SSX2IP: variants seen among roughly 807,000 people sequenced by gnomAD.
SSX2IP encodes the protein SSX family member 2 interacting protein.
In SSX2IP, 55 loss-of-function variants were observed where a neutral mutation model predicts 84.9. That is an observed-to-expected ratio of 0.65 (90% CI 0.52 to 0.81). SSX2IP has a LOEUF of 0.81. SSX2IP is among the 30% of genes least tolerant of loss of function. The probability of loss-of-function intolerance (pLI) is 0.00; values close to 1 mark genes in which losing one functional copy is unlikely to be tolerated. For synonymous variants in SSX2IP, 239 were observed against 234.7 expected, an observed-to-expected ratio of 1.02 and a Z score of -0.17; for missense variants, 664 against 705.2, an observed-to-expected ratio of 0.94 and a Z score of 0.66.
chr1:84,659,210 G>C (rs1321030910), intron 8 of SSX2IP, among the ~76,000 whole-genome samples: 4 of 152,178 alleles, frequency 2.6e-5, no homozygotes, highest in African/African-American at 7.2e-5. Flanking sequence ...GGGGAAAAAA[G>C]AAAGATAAAA....
intron 6 of SSX2IP, among the ~76,000 whole-genome samples, chr1:84,663,269 G>A (rs752257439): frequency 1.9e-4 from 29 of 152,130 alleles, no homozygotes; most frequent in Admixed American, 3.9e-4. Context: ...TGTCACTTCC[G>A]ATTGGACCAG....
intron 4 of SSX2IP, 29 bp from the exon 5 acceptor site, chr1:84,666,261 A>C (rs1302277103): frequency 6.5e-7 from 1 of 1,530,930 alleles, no homozygotes; most frequent in Non-Finnish European, 9.0e-7. Flanking sequence ...ATTTTGCTTA[A>C]AATTAATAAA....
intron 10 of SSX2IP, 97 bp downstream of exon 10, chr1:84,656,251 C>T (rs1651100449): frequency 7.9e-7 from 1 of 1,266,858 alleles, no homozygotes; most frequent in Non-Finnish European, 1.1e-6. Context: ...CTGTCAAATA[C>T]CAGGGCCTTA....
At chr1:84,679,449 A>G (rs1049404696) in intron 1 of SSX2IP, among the ~76,000 whole-genome samples, 2 of 152,202 alleles carry the variant, frequency 1.3e-5, no homozygotes, top group African/African-American at 4.8e-5. Flanking sequence ...TTAAATACAC[A>G]TGAATGGTGC....
At chr1:84,655,286 C>A (rs899037691) in intron 11 of SSX2IP, 2 of 1,048,626 alleles carry the variant, frequency 1.9e-6, no homozygotes. Flanking sequence ...TACTTTGTAG[C>A]TTTTTTTAAT....
At chr1:84,657,849 T>C (rs1306590054) in intron 9 of SSX2IP, among the ~76,000 whole-genome samples, 2 of 152,190 alleles carry the variant, frequency 1.3e-5, no homozygotes, top group Non-Finnish European at 2.9e-5. Flanking sequence ...ATGTAAAATG[T>C]CGGCTGTGCA....
rs61017474 is a variant in SSX2IP, at chr1:84,676,719, CTTTTTTTTTTTTT to C, written c.-89-5424_-89-5412del. On this transcript the variant is annotated intron_variant, in intron 1 of 13. Transcript: ENST00000342203. ...GATTTCAAGACTCTGTGCTCTTTTC[CTTTTTTTTTTTTT>C]TTTTTTTTGAAACGGAGTCTCGCTC... Among the ~76,000 whole-genome samples the C allele has an allele frequency of 4.9e-4, 49 of 99,492 alleles. 1 individual carries two copies. Among genetic ancestry groups the C allele is most frequent in the African/African-American group, 1.9e-3 (49 of 26,186 alleles). 65.3% of individuals were successfully genotyped at this position (99,492 alleles called of 152,430 possible).
Position 84,646,217 on chromosome 1 carries a change from T to C in SSX2IP, c.*1216A>G, listed in dbSNP as rs1649451400. 1 of 152,558 alleles carries C rather than the reference T, an allele frequency of 6.6e-6. No homozygotes were observed. Among genetic ancestry groups the C allele is most frequent in the African/African-American group, 2.4e-5 (1 of 41,432 alleles). The allele number at this position is 152,558 out of a possible 1,614,324, so 9.5% of individuals were successfully genotyped here. ...GGGTTAGGCACTTAAAGCTTTTTGA[T>C]GAAAATCCTGGGAAAGAGCTGAGCC... On this transcript the variant is annotated 3_prime_UTR_variant, in exon 14 of 14. Coordinates refer to ENST00000342203, the MANE Select transcript of SSX2IP (RefSeq NM_001166293.2).
chr1:84,657,785 T>C (rs1193868565), intron 9 of SSX2IP, among the ~76,000 whole-genome samples: 1 of 152,186 alleles, frequency 6.6e-6, no homozygotes, highest in Non-Finnish European at 1.5e-5. Context: ...AAACATTCAC[T>C]CTGAGACCAA....
chr1:84,655,652 A>G, intron 11 of SSX2IP, 180 bp downstream of exon 11: 2 of 1,512,292 alleles, frequency 1.3e-6, no homozygotes, highest in Non-Finnish European at 1.8e-6. Context: ...AAATCTGGTA[A>G]GGGGAAATGA....
At chr1:84,665,517 A>G (rs976549287) in intron 5 of SSX2IP, among the ~76,000 whole-genome samples, 5 of 152,208 alleles carry the variant, frequency 3.3e-5, no homozygotes, top group Admixed American at 2.0e-4. Flanking sequence ...CAATAAAAAC[A>G]TAATAGTTTC....
chr1:84,673,821 T>C (rs1265957759), intron 1 of SSX2IP, among the ~76,000 whole-genome samples: 1 of 152,182 alleles, frequency 6.6e-6, no homozygotes, highest in Non-Finnish European at 1.5e-5. Context: ...ACAGATGATG[T>C]TACATGTCAT....
Position 84,666,186 on chromosome 1 carries a change from C to G in SSX2IP, c.473G>C (p.Arg158Thr). 2 of 1,613,032 alleles carry G rather than the reference C, an allele frequency of 1.2e-6. No homozygotes were observed. Among genetic ancestry groups the G allele is most frequent in the Non-Finnish European group, 1.7e-6 (2 of 1,179,372 alleles). Residue 158 changes from arginine (R) to threonine (T), a missense_variant, in exon 5 of 14, where the codon AGA becomes ACA. By Grantham distance (71) the Arg-to-Thr change is moderately conservative. Coordinates refer to ENST00000342203, the MANE Select transcript of SSX2IP (RefSeq NM_001166293.2). The part of the protein sequence containing the change: ...SRREMIGLQE[R>T]DRQLQCKNRN... Reference sequence around the variant, plus strand: ...GTTCTTACATTGTAACTGTCTGTCTCTTTCCTGAAGCCCAATCATTTCCCT... The same window carrying G: ...GTTCTTACATTGTAACTGTCTGTCTGTTTCCTGAAGCCCAATCATTTCCCT...
chr1:84,670,800 G>C lies in SSX2IP; in HGVS notation c.59C>G (p.Ser20Cys). Residue 20 changes from serine to cysteine, a missense_variant, in exon 3 of 14, where the codon TCT becomes TGT. By Grantham distance (112) the Ser-to-Cys change is moderately radical (BLOSUM62 -1). Transcript: ENST00000342203. ...CATCTTTGTTTCTGAGGTATATTGA[G>C]AGATAGTTTTGCTTTCTGAAAGAAT... The part of the protein sequence containing the change: ...PGLSSESKTI[S>C]QYTSETKMSP... 6.2e-7 allele frequency: 1 copy of C among 1,606,612 alleles called. No individual in the cohort carries two copies. The highest frequency in any genetic ancestry group is 2.2e-5 in the East Asian group (1 of 44,706).
chr1:84,679,915 C>A (rs911144203), intron 1 of SSX2IP, among the ~76,000 whole-genome samples: 3 of 152,158 alleles, frequency 2.0e-5, no homozygotes, highest in African/African-American at 7.2e-5. Flanking sequence ...GGATTCCAAC[C>A]CCCCAACCCC....
intron 3 of SSX2IP, 47 bp from the exon 4 acceptor site, chr1:84,669,940 T>C: frequency 1.4e-6 from 2 of 1,421,374 alleles, no homozygotes; most frequent in Non-Finnish European, 2.0e-6. Context: ...GTTGAGGAGA[T>C]ACTGGTCAGA....
At chr1:84,683,663 T>C (rs1181582849) in intron 1 of SSX2IP, among the ~76,000 whole-genome samples, 1 of 152,216 alleles carries the variant, frequency 6.6e-6, no homozygotes, top group Non-Finnish European at 1.5e-5. Context: ...CAGTCAAGAT[T>C]GCTGAATGAA....
chr1:84,687,448 C>T (rs931187803), intron 1 of SSX2IP, among the ~76,000 whole-genome samples: 1 of 152,138 alleles, frequency 6.6e-6, no homozygotes. Flanking sequence ...TGCATTATAA[C>T]TGTGTTATTT....
intron 1 of SSX2IP, among the ~76,000 whole-genome samples, chr1:84,674,132 C>T (rs1159554284): frequency 1.3e-5 from 2 of 152,162 alleles, no homozygotes; most frequent in Admixed American, 1.3e-4. Context: ...TCCTTAACCT[C>T]TCTGAGCCAT....
Sources: allele counts gnomAD v4.1 joint callset (sites outside exome capture counted in the v4.1 genomes callset), GRCh38; gene constraint gnomAD v4.1.1; transcripts MANE v1.5; gene names NCBI Gene and HGNC (gene_info 2026-07-23, HGNC 2026-07-21).